The following NRG4 variants were observed in gnomAD, a reference collection of about 807,000 sequenced individuals.
NRG4 encodes pro-neuregulin-4, membrane-bound isoform.
A neutral mutation model predicts 15.0 loss-of-function variants in NRG4; 10 were observed. The ratio of observed to expected loss-of-function variants is 0.67; its 90% confidence interval spans 0.41 to 1.13. NRG4 has a LOEUF of 1.13. Among genes scored for constraint, NRG4 ranks in the 50% most tolerant of loss-of-function variants. NRG4 has a pLI of 0.00. For synonymous variants in NRG4, 41 were observed against 50.1 expected (o/e 0.82, Z 0.77); for missense variants, 139 against 140.2 (o/e 0.99, Z 0.04).
At chr15:75,940,678 T>C (rs2030860446), downstream of NRG4, 1 of 152,076 alleles carries the variant, frequency 6.6e-6, no homozygotes, top group Non-Finnish European at 1.5e-5. Flanking sequence ...AACCTAGAAA[T>C]AAACCCTCTC....
At chr15:75,987,375 C>T (rs1283501525) in intron 3 of NRG4, among the ~76,000 whole-genome samples, 1 of 152,136 alleles carries the variant, frequency 6.6e-6, no homozygotes, top group African/African-American at 2.4e-5. Flanking sequence ...GTTTTTCTAA[C>T]TTGATTAGAA....
intron 5 of NRG4, among the ~76,000 whole-genome samples, chr15:75,944,359 T>C (rs1567066445): frequency 6.6e-6 from 1 of 152,194 alleles, no homozygotes; most frequent in Non-Finnish European, 1.5e-5. Flanking sequence ...TTACACTGCT[T>C]TCCATTTGGA....
At chr15:76,024,347 G>T (rs2035244417) in intron 5 of NRG4, among the ~76,000 whole-genome samples, 2 of 152,144 alleles carry the variant, frequency 1.3e-5, no homozygotes, top group South Asian at 4.1e-4. Flanking sequence ...GGCCACCCAA[G>T]AAGCCACCCA....
chr15:75,941,499 C>A lies in NRG4; in HGVS notation c.*2139G>T, dbSNP rs1699275. On this transcript the variant is annotated 3_prime_UTR_variant, in exon 6 of 6. Coordinates refer to ENST00000394907, the MANE Select transcript of NRG4 (RefSeq NM_138573.4). The stretch of plus-strand genomic sequence containing the variant: ...CAGTGTTCACTGCAGCATTATTCAC[C>A]GTAGTCAAAAGGTAGAAACAACCCA... The A allele has an allele frequency of 0.98, 148,919 of 152,324 alleles. 72,881 individuals are homozygous for A. Among genetic ancestry groups the A allele is most frequent in the East Asian group, 1 (5,192 of 5,192 alleles). 9.4% of individuals were successfully genotyped at this position (152,324 alleles called of 1,614,324 possible). A position where few individuals can be genotyped will look rare whatever the true frequency, so the allele number is the denominator to read the frequency against.
At chr15:76,008,459 A>T (rs1230699749) in intron 3 of NRG4, among the ~76,000 whole-genome samples, 1 of 152,238 alleles carries the variant, frequency 6.6e-6, no homozygotes, top group Non-Finnish European at 1.5e-5. Flanking sequence ...AGAACAAGAA[A>T]GAGTAATTCA....
chr15:76,052,278 T>C (rs899083800), intron 3 of NRG4: 26 of 151,062 alleles, frequency 1.7e-4, no homozygotes, highest in African/African-American at 6.4e-4. Context: ...TATCAATGTT[T>C]TTCTTTTACT....
intron 5 of NRG4, 47 bp from the exon 6 acceptor site, chr15:75,943,701 T>C: frequency 2.3e-6 from 3 of 1,291,276 alleles, no homozygotes; most frequent in Non-Finnish European, 3.4e-6. Context: ...ATTGCAATGT[T>C]TCTTACTACG....
chr15:76,057,653 A>G lies in NRG4; in HGVS notation c.-327-634T>C, dbSNP rs140824435. On this transcript the variant is annotated intron_variant, in intron 1 of 8. Coordinates refer to the NRG4 transcript ENST00000563910. ...GGGCAGCATAGAGTTGACAAATTAT[A>G]CATGTTTTGGGATTTTTGACTTCAC... 6.8e-4 allele frequency among the ~76,000 whole-genome samples: 103 copies of G among 152,218 alleles called. 1 individual carries two copies. Among genetic ancestry groups the G allele is most frequent in the African/African-American group, 2.4e-3 (99 of 41,528 alleles).
At chr15:76,030,094 T>TA (rs1017073420) in intron 5 of NRG4, among the ~76,000 whole-genome samples, 119 of 152,100 alleles carry the variant, frequency 7.8e-4, no homozygotes, top group African/African-American at 2.7e-3. Flanking sequence ...CCGCTTCTAC[T>TA]AAAAATACAA....
intron 5 of NRG4, among the ~76,000 whole-genome samples, chr15:76,033,883 C>T (rs1357074899): frequency 2.6e-5 from 4 of 152,158 alleles, no homozygotes; most frequent in African/African-American, 9.7e-5. Flanking sequence ...TACATGGCCA[C>T]TGTAGCAATA....
intron 3 of NRG4, among the ~76,000 whole-genome samples, chr15:75,980,681 A>C (rs536711656): frequency 1.1e-4 from 16 of 152,242 alleles, no homozygotes; most frequent in Admixed American, 9.8e-4. Flanking sequence ...CCAGAGTCCT[A>C]AAGGTACTTA....
intron 3 of NRG4, chr15:76,052,895 A>G (rs2036054209): frequency 6.6e-6 from 1 of 151,208 alleles, no homozygotes. Flanking sequence ...AGGTTTAAGA[A>G]TAGTATATTT....
At chr15:75,973,907 T>G (rs758670464) in intron 3 of NRG4, among the ~76,000 whole-genome samples, 51 of 152,224 alleles carry the variant, frequency 3.4e-4, no homozygotes, top group Non-Finnish European at 6.3e-4. Context: ...GGAGTCCCTC[T>G]TTTTCTATTG....
intron 3 of NRG4, among the ~76,000 whole-genome samples, chr15:75,989,598 C>A (rs952316284): frequency 2.0e-5 from 3 of 152,106 alleles, no homozygotes; most frequent in Non-Finnish European, 4.4e-5. Context: ...TTGTTAAGCC[C>A]ATCCACTCAA....
At chr15:76,039,320 CAG>C (rs2035674500) in intron 4 of NRG4, among the ~76,000 whole-genome samples, 1 of 148,760 alleles carries the variant, frequency 6.7e-6, no homozygotes, top group African/African-American at 2.6e-5. Context: ...ATCTTTCAGA[CAG>C]AGAATTCAAA....
At chr15:76,036,540 TTGCACCCTATAA>T (rs2035600894) in intron 4 of NRG4, among the ~76,000 whole-genome samples, 1 of 152,172 alleles carries the variant, frequency 6.6e-6, no homozygotes, top group Non-Finnish European at 1.5e-5. Flanking sequence ...CAGTAGAATG[TTGCACCCTATAA>T]TGGGTGTGTG....
intron 5 of NRG4, among the ~76,000 whole-genome samples, chr15:76,029,861 A>C (rs539991501): frequency 4.6e-5 from 7 of 152,366 alleles, no homozygotes; most frequent in Middle Eastern, 3.4e-3. Context: ...GGAAACCTAC[A>C]GATTCAATGC....
At chr15:75,992,786 C>T (rs2034067035) in intron 3 of NRG4, among the ~76,000 whole-genome samples, 1 of 151,978 alleles carries the variant, frequency 6.6e-6, no homozygotes, top group Non-Finnish European at 1.5e-5. Context: ...TTGCAAATGG[C>T]TTCTTTGACT....
At chr15:75,965,792 A>G (rs2032765555) in intron 3 of NRG4, among the ~76,000 whole-genome samples, 1 of 152,236 alleles carries the variant, frequency 6.6e-6, no homozygotes, top group African/African-American at 2.4e-5. Flanking sequence ...TTAAGTGGAT[A>G]TAGACAACTG....
Sources: allele counts gnomAD v4.1 joint callset (sites outside exome capture counted in the v4.1 genomes callset), GRCh38; gene constraint gnomAD v4.1.1; transcripts MANE v1.5; gene names NCBI Gene and HGNC (gene_info 2026-07-23, HGNC 2026-07-21).